The following SNX29 variants were observed in gnomAD, a reference collection of about 807,000 sequenced individuals.
SNX29 encodes sorting nexin 29, also known as sorting nexin-29.
SNX29 carries 78 observed loss-of-function variants against 102.1 expected under a neutral mutation model. The observed-to-expected ratio is 0.76, with a 90% CI of 0.64 to 0.92. The LOEUF (loss-of-function observed/expected upper bound fraction) is 0.92. Ranked by LOEUF, SNX29 falls within the 40% of genes least tolerant of loss-of-function variation. SNX29 has a pLI of 0.00. For synonymous variants in SNX29, 580 were observed against 414.5 expected (o/e 1.40, Z -4.85); for missense variants, 1,280 against 1,061.7 (o/e 1.21, Z -2.86).
intron 18 of SNX29, among the ~76,000 whole-genome samples, chr16:12,433,666 C>T (rs2085410012): frequency 7.1e-6 from 1 of 141,596 alleles, no homozygotes; most frequent in Non-Finnish European, 1.5e-5. Context: ...CTTAGCTGGG[C>T]GTGGTGGGCG....
Position 12,566,245 on chromosome 16 carries a change from A to G in SNX29, c.2319-2261A>G, listed in dbSNP as rs1386313304. 2.0e-5 allele frequency among the ~76,000 whole-genome samples: 3 copies of G among 152,210 alleles called. No homozygotes were observed. In the East Asian group the frequency reaches 5.8e-4, roughly 29 times the overall value. On this transcript the variant is annotated intron_variant, in intron 20 of 20. Transcript: ENST00000566228. ...GGTTGTCATCCCCAAATGACAGACAAGGAAACCAAGGGTCAGACAGCACTG... is the reference window on the plus strand; with the variant it reads ...GGTTGTCATCCCCAAATGACAGACAGGGAAACCAAGGGTCAGACAGCACTG...
intron 20 of SNX29, among the ~76,000 whole-genome samples, chr16:12,566,961 A>G (rs1182429356): frequency 6.6e-6 from 1 of 152,214 alleles, no homozygotes; most frequent in South Asian, 2.1e-4. Context: ...GAAACGAGGG[A>G]TCTCACTCGC....
intron 19 of SNX29, 151 bp from the exon 20 acceptor site, chr16:12,524,551 T>C (rs1597732646): frequency 2.7e-6 from 2 of 753,304 alleles, no homozygotes; most frequent in East Asian, 6.2e-5. Flanking sequence ...TGATACTACA[T>C]GTAAGGGCTT....
At chr16:12,206,536 T>G (rs1181153758) in intron 14 of SNX29, among the ~76,000 whole-genome samples, 1 of 152,082 alleles carries the variant, frequency 6.6e-6, no homozygotes, top group Non-Finnish European at 1.5e-5. Flanking sequence ...CTCCCATGAG[T>G]CAGTACACGG....
chr16:12,334,086 A>T (rs1040934168), intron 15 of SNX29, among the ~76,000 whole-genome samples: 1 of 152,070 alleles, frequency 6.6e-6, no homozygotes. Flanking sequence ...TTTCAGCTAG[A>T]CGTAGGGAAA....
intron 20 of SNX29, among the ~76,000 whole-genome samples, chr16:12,563,616 G>A (rs2078855425): frequency 1.2e-5 from 1 of 84,362 alleles, no homozygotes; most frequent in Non-Finnish European, 2.3e-5. Flanking sequence ...ACATCTCACA[G>A]ACGAGACTGT....
chr16:12,524,954 G>C (rs1339318985), intron 20 of SNX29, 113 bp downstream of exon 20: 5 of 1,447,170 alleles, frequency 3.5e-6, no homozygotes. Flanking sequence ...ATCGCCATGG[G>C]ACCCAGGCGA....
chr16:12,135,933 C>T (rs539287334), intron 13 of SNX29, among the ~76,000 whole-genome samples: 3 of 152,320 alleles, frequency 2.0e-5, no homozygotes, highest in Admixed American at 6.5e-5. Flanking sequence ...AGAAAGTGTT[C>T]CTCGGGGGGA....
intron 11 of SNX29, 64 bp from the exon 12 acceptor site, chr16:12,126,569 G>C: frequency 6.5e-7 from 1 of 1,527,264 alleles, no homozygotes; most frequent in Non-Finnish European, 9.0e-7. Context: ...AATCCAGAGA[G>C]GTGAGGGCAT....
chr16:11,982,939 A>G (rs1466120241), intron 1 of SNX29, among the ~76,000 whole-genome samples: 1 of 151,736 alleles, frequency 6.6e-6, no homozygotes, highest in Non-Finnish European at 1.5e-5. Flanking sequence ...TAATTAACGA[A>G]TATTTTTTTG....
intron 18 of SNX29, among the ~76,000 whole-genome samples, chr16:12,463,433 A>C (rs2151762895): frequency 6.6e-6 from 1 of 152,294 alleles, no homozygotes; most frequent in East Asian, 1.9e-4. Context: ...AGGAGGAGCA[A>C]CTCACATCTT....
intron 18 of SNX29, among the ~76,000 whole-genome samples, chr16:12,460,163 A>C (rs1370278839): frequency 6.6e-6 from 1 of 152,154 alleles, no homozygotes; most frequent in Non-Finnish European, 1.5e-5. Context: ...ATTCCTTCTC[A>C]CAAGAGCTGT....
At chr16:12,270,003 G>A (rs1349941320) in intron 14 of SNX29, among the ~76,000 whole-genome samples, 1 of 152,026 alleles carries the variant, frequency 6.6e-6, no homozygotes, top group Non-Finnish European at 1.5e-5. Flanking sequence ...TGGGACTGCA[G>A]GCACGCACCA....
chr16:12,537,493 CAG>C (rs746957206), intron 20 of SNX29, among the ~76,000 whole-genome samples: 9 of 152,178 alleles, frequency 5.9e-5, no homozygotes, highest in Non-Finnish European at 1.2e-4. Flanking sequence ...GTGATAGTGG[CAG>C]AGATTTCACA....
At chr16:12,312,311 C>G (rs1248176483) in intron 15 of SNX29, among the ~76,000 whole-genome samples, 2 of 152,338 alleles carry the variant, frequency 1.3e-5, no homozygotes. Context: ...TTGCTCCTCT[C>G]TGAATTTCCA....
intron 1 of SNX29, 70 bp downstream of exon 1, chr16:11,976,883 C>T: frequency 7.7e-7 from 1 of 1,292,354 alleles, no homozygotes; most frequent in Non-Finnish European, 9.8e-7. Flanking sequence ...CTGCACACTC[C>T]GGCCCCTGCG....
At chr16:12,142,155 T>C (rs1005505227) in intron 13 of SNX29, among the ~76,000 whole-genome samples, 2 of 152,212 alleles carry the variant, frequency 1.3e-5, no homozygotes, top group Non-Finnish European at 2.9e-5. Flanking sequence ...CCCGATCTTT[T>C]TGAGTCCTTG....
intron 15 of SNX29, among the ~76,000 whole-genome samples, chr16:12,282,842 A>G (rs1367541471): frequency 1.3e-5 from 2 of 152,088 alleles, no homozygotes; most frequent in Non-Finnish European, 1.5e-5. Flanking sequence ...TTTTTAGTAG[A>G]GACAGGGTTT....
At chr16:12,339,052 C>T (rs2151247853) in intron 15 of SNX29, among the ~76,000 whole-genome samples, 1 of 152,234 alleles carries the variant, frequency 6.6e-6, no homozygotes, top group Middle Eastern at 3.4e-3. Flanking sequence ...TGGAAAGAGA[C>T]CTGCGCCATC....
Sources: allele counts gnomAD v4.1 joint callset (sites outside exome capture counted in the v4.1 genomes callset), GRCh38; gene constraint gnomAD v4.1.1; transcripts MANE v1.5; gene names NCBI Gene and HGNC (gene_info 2026-07-23, HGNC 2026-07-21).